B3GALT5: variants seen among roughly 807,000 people sequenced by gnomAD.
B3GALT5 encodes beta-1,3-galactosyltransferase 5, also known as UDP-Gal:betaGlcNAc beta 1,3-galactosyltransferase, polypeptide 5.
For missense variants in B3GALT5, 328 were observed against 396.6 expected (o/e 0.83, Z 1.47); for synonymous variants, 156 against 158.6 (o/e 0.98, Z 0.12).
At chr21:39,629,051 G>A (rs1005093082) in intron 1 of B3GALT5, among the ~76,000 whole-genome samples, 5 of 151,348 alleles carry the variant, frequency 3.3e-5, no homozygotes, top group East Asian at 1.9e-4. Context: ...TCGCTCTGTC[G>A]CCCAGGTTGG....
In B3GALT5 at chr21:39,667,263, C is replaced by G. The variant is rs979177455; in HGVS notation, c.*5771C>G. On this transcript the variant is annotated 3_prime_UTR_variant, in exon 4 of 4. Coordinates refer to ENST00000684187, the MANE Select transcript of B3GALT5 (RefSeq NM_001356336.2). ...CAGACTGGTGATTTCCAACTCCCGC[C>G]GGGCACCGGGTGCTGCACCGGTTAT... 6.6e-6 allele frequency: 1 copy of G among 152,214 alleles called. No homozygotes were observed. Among genetic ancestry groups the G allele is most frequent in the Non-Finnish European group, 1.5e-5 (1 of 68,042 alleles). The allele number at this position is 152,214 out of a possible 1,614,324, so 9.4% of individuals were successfully genotyped here.
At chr21:39,635,481 T>G (rs927790956) in intron 1 of B3GALT5, among the ~76,000 whole-genome samples, 3 of 152,094 alleles carry the variant, frequency 2.0e-5, no homozygotes, top group Non-Finnish European at 2.9e-5. Flanking sequence ...TCCATGCTCT[T>G]TTTTTTGTTT....
intron 1 of B3GALT5, among the ~76,000 whole-genome samples, chr21:39,619,706 C>T (rs920211948): frequency 1.2e-4 from 18 of 152,150 alleles, no homozygotes; most frequent in African/African-American, 4.3e-4. Flanking sequence ...TTTGTTTCTG[C>T]CCAAACACCA....
chr21:39,652,060 G>A (rs1302636576), intron 2 of B3GALT5, among the ~76,000 whole-genome samples: 4 of 152,180 alleles, frequency 2.6e-5, no homozygotes, highest in Non-Finnish European at 5.9e-5. Context: ...ACTTCCCATA[G>A]TGAACCCTGT....
In B3GALT5 at chr21:39,613,082, T is replaced by TGGGGCGC. The variant is rs550473133; in HGVS notation, c.-392+27_-392+33dup. The TGGGGCGC allele has an allele frequency of 0.11, 16,224 of 148,584 alleles. 966 individuals carry two copies. The highest frequency in any genetic ancestry group is 0.15 in the Middle Eastern group (45 of 292). The allele number at this position is 148,584 out of a possible 1,614,324, so 9.2% of individuals were successfully genotyped here. A position where few individuals can be genotyped will look rare whatever the true frequency, so the allele number is the denominator to read the frequency against. ...CCCCGCGCACGGTAAGGCCCGGGGC[T>TGGGGCGC]GGGGCGCGGGGCGCGGGGAGCGCTG... On this transcript the variant is annotated intron_variant, in intron 1 of 3. Coordinates refer to ENST00000684187, the MANE Select transcript of B3GALT5 (RefSeq NM_001356336.2).
At position 39,667,824 on chromosome 21, in the gene B3GALT5, C is replaced by T. The variant is rs2079591560; in HGVS notation, c.*6332C>T. On this transcript the variant is annotated 3_prime_UTR_variant, in exon 4 of 4. Coordinates refer to ENST00000684187, the MANE Select transcript of B3GALT5 (RefSeq NM_001356336.2). ...GCGACCCACTTACGGAGGCCCCATT[C>T]CATTTACATCTCCGCTCAAGCCTCC... 6.6e-6 allele frequency: 1 copy of T among 152,192 alleles called. No homozygotes were observed. The highest frequency in any genetic ancestry group is 1.5e-5 in the Non-Finnish European group (1 of 68,034). 9.4% of individuals were successfully genotyped at this position (152,192 alleles called of 1,614,324 possible). A position where few individuals can be genotyped will look rare whatever the true frequency, so the allele number is the denominator to read the frequency against.
intron 2 of B3GALT5, 108 bp from the exon 3 acceptor site, chr21:39,659,645 G>C (rs2079489379): frequency 1.7e-6 from 1 of 584,442 alleles, no homozygotes; most frequent in African/African-American, 2.0e-5. Flanking sequence ...TGCGTGCTCA[G>C]AGTCACATAA....
At position 39,671,059 on chromosome 21, in the gene B3GALT5, GGCAAAAGA is replaced by G. The variant is rs2079623480; in HGVS notation, c.*9574_*9581del. ...AGGGCCTTCATGCTGTGTCATTGTG[GGCAAAAGA>G]GCAAAACTTGCTTTGATAAAATCAC... On this transcript the variant is annotated 3_prime_UTR_variant, in exon 4 of 4. Transcript: ENST00000684187. 6.6e-6 allele frequency: 1 copy of G among 152,200 alleles called. No individual in the cohort carries two copies. Among genetic ancestry groups the G allele is most frequent in the South Asian group, 2.1e-4 (1 of 4,830 alleles). The allele number at this position is 152,200 out of a possible 1,614,324, so 9.4% of individuals were successfully genotyped here. A position where few individuals can be genotyped will look rare whatever the true frequency, so the allele number is the denominator to read the frequency against.
intron 2 of B3GALT5, among the ~76,000 whole-genome samples, chr21:39,647,679 A>T (rs898488246): frequency 1.3e-5 from 2 of 151,628 alleles, no homozygotes; most frequent in South Asian, 2.1e-4. Flanking sequence ...TCCTTCCCCA[A>T]CCCTTTGTCT....
intron 1 of B3GALT5, among the ~76,000 whole-genome samples, chr21:39,616,738 T>C (rs1463962129): frequency 6.6e-6 from 1 of 152,154 alleles, no homozygotes; most frequent in East Asian, 1.9e-4. Flanking sequence ...TTCTGTGGCC[T>C]GAGGATATGA....
At chr21:39,640,297 C>G (rs1729984662) in intron 1 of B3GALT5, among the ~76,000 whole-genome samples, 1 of 152,138 alleles carries the variant, frequency 6.6e-6, no homozygotes, top group African/African-American at 2.4e-5. Flanking sequence ...TAAGCAGGGT[C>G]CCACCAGCCC....
chr21:39,615,701 T>G (rs2079104083), intron 1 of B3GALT5, among the ~76,000 whole-genome samples: 1 of 152,250 alleles, frequency 6.6e-6, no homozygotes, highest in Admixed American at 6.5e-5. Flanking sequence ...TCAGTTTCGT[T>G]AATTGAAATT....
intron 1 of B3GALT5, among the ~76,000 whole-genome samples, chr21:39,617,169 A>G (rs1011118663): frequency 1.3e-5 from 2 of 152,154 alleles, no homozygotes; most frequent in African/African-American, 2.4e-5. Context: ...CATCACTTCT[A>G]TGTATAAATC....
At position 39,642,534 on chromosome 21, in the gene B3GALT5, C is replaced by T. The variant is rs148359882; in HGVS notation, c.-391-3858C>T. Among the ~76,000 whole-genome samples, 625 of 152,312 alleles carry T rather than the reference C, an allele frequency of 4.1e-3. 5 individuals carry two copies. The highest frequency in any genetic ancestry group is 0.023 in the East Asian group (119 of 5,192). ...GTTCCTCTTCTTATATACCTCCTAT[C>T]TGGATTTTCAAGTTTCTTTTTTGTT... On this transcript the variant is annotated intron_variant, in intron 1 of 3. Coordinates refer to ENST00000684187, the MANE Select transcript of B3GALT5 (RefSeq NM_001356336.2).
At position 39,616,426 on chromosome 21, in the gene B3GALT5, A is replaced by G. The variant is rs80122116; in HGVS notation, c.-392+3359A>G. Reference sequence around the variant, plus strand: ...TTCCTGTTCTTAGTTTCTTGTAGCAATAAATCATTTACTGTGAAAACTTTT... The same window carrying G: ...TTCCTGTTCTTAGTTTCTTGTAGCAGTAAATCATTTACTGTGAAAACTTTT... On this transcript the variant is annotated intron_variant, in intron 1 of 3. Coordinates refer to ENST00000684187, the MANE Select transcript of B3GALT5 (RefSeq NM_001356336.2). Among the ~76,000 whole-genome samples the G allele has an allele frequency of 2.8e-4, 43 of 152,182 alleles. 1 individual carries two copies. Among genetic ancestry groups the G allele is most frequent in the African/African-American group, 1.0e-3 (42 of 41,498 alleles).
At chr21:39,627,370 G>A (rs2079169727) in intron 1 of B3GALT5, among the ~76,000 whole-genome samples, 2 of 152,198 alleles carry the variant, frequency 1.3e-5, no homozygotes, top group African/African-American at 4.8e-5. Flanking sequence ...AAGTCACCCT[G>A]TGGGGTTTCT....
chr21:39,646,032 T>G (rs1170524786), intron 1 of B3GALT5, among the ~76,000 whole-genome samples: 2 of 151,428 alleles, frequency 1.3e-5, no homozygotes, highest in Non-Finnish European at 2.9e-5. Context: ...AAAGTGCTTA[T>G]GAAAACATCT....
intron 1 of B3GALT5, among the ~76,000 whole-genome samples, chr21:39,632,403 G>A (rs968190696): frequency 6.6e-6 from 1 of 152,178 alleles, no homozygotes; most frequent in Non-Finnish European, 1.5e-5. Flanking sequence ...GGTTAATTAC[G>A]TGATGGATGA....
intron 1 of B3GALT5, among the ~76,000 whole-genome samples, chr21:39,642,771 C>T (rs750944270): frequency 6.6e-6 from 1 of 151,170 alleles, no homozygotes; most frequent in Non-Finnish European, 1.5e-5. Context: ...CATGGTGGCT[C>T]ACGCCTGTAA....
Sources: gnomAD v4.1 joint callset for allele counts (sites outside exome capture counted in the v4.1 genomes callset) on GRCh38, gnomAD v4.1.1 for gene constraint, MANE v1.5 for transcripts, NCBI Gene and HGNC (gene_info 2026-07-23, HGNC 2026-07-21) for gene names.